The following CDK19 variants were observed in gnomAD, a reference collection of about 807,000 sequenced individuals.
CDK19 encodes the protein cyclin dependent kinase 19.
A neutral mutation model predicts 68.3 loss-of-function variants in CDK19; 20 were observed. That is an observed-to-expected ratio of 0.29 (90% CI 0.21 to 0.43). The LOEUF is 0.43. Among genes scored for constraint, CDK19 ranks in the 20% least tolerant of loss-of-function variants. The probability of loss-of-function intolerance (pLI) is 1.00; values close to 1 mark genes in which losing one functional copy is unlikely to be tolerated. For synonymous variants in CDK19, 221 were observed against 222.8 expected (o/e 0.99, Z 0.07); for missense variants, 339 against 623.5 (o/e 0.54, Z 4.86).
At chr6:110,764,008 CA>C (rs1779406478) in intron 1 of CDK19, among the ~76,000 whole-genome samples, 1 of 151,894 alleles carries the variant, frequency 6.6e-6, no homozygotes, top group Non-Finnish European at 1.5e-5. Flanking sequence ...TTCACATTAG[CA>C]ACCCAAAAAA....
chr6:110,707,493 T>C (rs1774611503), intron 2 of CDK19, among the ~76,000 whole-genome samples: 1 of 152,128 alleles, frequency 6.6e-6, no homozygotes, highest in Non-Finnish European at 1.5e-5. Flanking sequence ...CATCTATCTG[T>C]ATATGCACAC....
At chr6:110,724,195 A>C (rs2114761288) in intron 2 of CDK19, among the ~76,000 whole-genome samples, 2 of 152,158 alleles carry the variant, frequency 1.3e-5, no homozygotes, top group South Asian at 4.2e-4. Context: ...CTCTACTAAA[A>C]ATACAAAAAT....
chr6:110,636,829 A>G (rs1460369327), intron 5 of CDK19, among the ~76,000 whole-genome samples: 1 of 152,226 alleles, frequency 6.6e-6, no homozygotes, highest in African/African-American at 2.4e-5. Context: ...TGAAAAAGAG[A>G]AACTTGAGAA....
At chr6:110,672,927 A>G (rs1023972853) in intron 2 of CDK19, among the ~76,000 whole-genome samples, 7 of 152,142 alleles carry the variant, frequency 4.6e-5, no homozygotes, top group Admixed American at 3.9e-4. Context: ...TACATAATGT[A>G]AAATTTACCA....
intron 1 of CDK19, 34 bp downstream of exon 1, chr6:110,814,975 C>T (rs1783505466): frequency 1.9e-6 from 3 of 1,597,564 alleles, no homozygotes; most frequent in Non-Finnish European, 1.7e-6. Context: ...GGCGAGGACC[C>T]GAGCGAGCCT....
intron 9 of CDK19, 75 bp downstream of exon 9, chr6:110,623,215 G>A: frequency 1.7e-6 from 2 of 1,207,320 alleles, no homozygotes; most frequent in Admixed American, 3.8e-5. Flanking sequence ...TTTCTAAAGA[G>A]GAGGAATAGC....
intron 2 of CDK19, among the ~76,000 whole-genome samples, chr6:110,692,511 A>C (rs1161937393): frequency 6.6e-6 from 1 of 152,210 alleles, no homozygotes; most frequent in African/African-American, 2.4e-5. Context: ...AAAGGTAAAA[A>C]TAACTGGTGT....
chr6:110,665,452 CTG>C (rs1162538638), intron 4 of CDK19, among the ~76,000 whole-genome samples: 1 of 152,138 alleles, frequency 6.6e-6, no homozygotes, highest in East Asian at 1.9e-4. Context: ...TGGGAGGAAA[CTG>C]AGTCCTGGGC....
At chr6:110,650,398 C>T (rs895050797) in intron 4 of CDK19, among the ~76,000 whole-genome samples, 2 of 152,194 alleles carry the variant, frequency 1.3e-5, no homozygotes, top group Admixed American at 1.3e-4. Flanking sequence ...GGTAATCTTC[C>T]ACTTACTGGG....
chr6:110,776,348 G>C (rs917677816), intron 1 of CDK19, among the ~76,000 whole-genome samples: 2 of 151,974 alleles, frequency 1.3e-5, no homozygotes, highest in East Asian at 1.9e-4. Flanking sequence ...AGAATCGCTT[G>C]AACCTGGGAG....
rs769553849 is a variant in CDK19 at position 110,815,241 on chromosome 6, T to TCGCGCGCG, written c.-113_-106dup. The TCGCGCGCG allele has an allele frequency of 5.2e-5, 59 of 1,130,406 alleles. No individual in the cohort carries two copies. In the African/African-American group the frequency reaches 8.0e-4, roughly 15 times the overall value. The allele number at this position is 1,130,406 out of a possible 1,614,324, so 70.0% of individuals were successfully genotyped here. On this transcript the variant is annotated 5_prime_UTR_variant, in exon 1 of 13. Transcript: ENST00000368911. The stretch of plus-strand genomic sequence containing the variant: ...GCTCCACTTCTCCAACAGCCGCCTC[T>TCGCGCGCG]CGCGCGCGCGCGCGCGCCGCCCGCC...
At chr6:110,660,753 C>A (rs1033910504) in intron 4 of CDK19, among the ~76,000 whole-genome samples, 3 of 152,220 alleles carry the variant, frequency 2.0e-5, no homozygotes, top group African/African-American at 7.2e-5. Context: ...CAACCTCCAG[C>A]TGCTTCTCCT....
chr6:110,673,960 C>A (rs1167686968), intron 2 of CDK19, among the ~76,000 whole-genome samples: 2 of 152,016 alleles, frequency 1.3e-5, no homozygotes, highest in Non-Finnish European at 2.9e-5. Context: ...TGTGTTTTTC[C>A]CAAGTAGAAG....
intron 1 of CDK19, among the ~76,000 whole-genome samples, chr6:110,796,189 T>A (rs1237811063): frequency 1.3e-5 from 2 of 151,896 alleles, no homozygotes; most frequent in African/African-American, 2.4e-5. Flanking sequence ...ATACAAAAAA[T>A]TAGCTGGGCA....
At chr6:110,651,575 A>G (rs774299783) in intron 4 of CDK19, among the ~76,000 whole-genome samples, 2 of 152,226 alleles carry the variant, frequency 1.3e-5, no homozygotes, top group Admixed American at 1.3e-4. Context: ...CTCTAAAAAA[A>G]ATACATTCGT....
chr6:110,747,420 C>T (rs1246054733), intron 1 of CDK19, among the ~76,000 whole-genome samples: 1 of 152,058 alleles, frequency 6.6e-6, no homozygotes, highest in Admixed American at 6.6e-5. Context: ...ATAAAACATA[C>T]TAGGTATGTC....
At chr6:110,766,080 A>G (rs1002609621) in intron 1 of CDK19, among the ~76,000 whole-genome samples, 1 of 152,228 alleles carries the variant, frequency 6.6e-6, no homozygotes, top group Non-Finnish European at 1.5e-5. Context: ...CATATGATCC[A>G]GCAATCCCAC....
At chr6:110,619,105 T>A (rs1778548564) in intron 12 of CDK19, among the ~76,000 whole-genome samples, 1 of 152,180 alleles carries the variant, frequency 6.6e-6, no homozygotes, top group African/African-American at 2.4e-5. Context: ...CATGCCAGTC[T>A]CTCCAACTAA....
At chr6:110,723,153 A>AAC (rs1554212167) in intron 2 of CDK19, among the ~76,000 whole-genome samples, 1 of 149,822 alleles carries the variant, frequency 6.7e-6, no homozygotes, top group Non-Finnish European at 1.5e-5. Flanking sequence ...ACAAAAAACA[A>AAC]AAAAAAAAAC....
Sources: allele counts gnomAD v4.1 joint callset (sites outside exome capture counted in the v4.1 genomes callset), GRCh38; gene constraint gnomAD v4.1.1; transcripts MANE v1.5; gene names NCBI Gene and HGNC (gene_info 2026-07-23, HGNC 2026-07-21).